FAM83D: variants seen among roughly 807,000 people sequenced by gnomAD.
FAM83D encodes the protein protein FAM83D.
A neutral mutation model predicts 25.4 loss-of-function variants in FAM83D; 26 were observed. That is an observed-to-expected ratio of 1.02 (90% CI 0.75 to 1.42). The LOEUF (loss-of-function observed/expected upper bound fraction) is 1.42. Among genes scored for constraint, FAM83D ranks in the 40% most tolerant of loss-of-function variants. FAM83D has a pLI of 0.00. For missense variants in FAM83D, 740 were observed against 758.1 expected, an observed-to-expected ratio of 0.98 and a Z score of 0.28; for synonymous variants, 310 against 318.5, an observed-to-expected ratio of 0.97 and a Z score of 0.28.
rs1414568078 is a variant in FAM83D at position 38,941,856 on chromosome 20, A to G, written c.484-103A>G. 12 of 1,116,274 alleles carry G rather than the reference A, an allele frequency of 1.1e-5. No individual in the cohort carries two copies. In the East Asian group the frequency reaches 2.8e-4, roughly 26 times the overall value. The allele number at this position is 1,116,274 out of a possible 1,614,324, so 69.1% of individuals were successfully genotyped here. A position where few individuals can be genotyped will look rare whatever the true frequency, so the allele number is the denominator to read the frequency against. On this transcript the variant is annotated intron_variant, in intron 1 of 3. Transcript: ENST00000619850. Reference sequence around the variant, plus strand: ...GGGGAGGGAAGGATAACTGTTGGATAGGGATCATTTCCCAGTTCTGAGTGG... The same window carrying G: ...GGGGAGGGAAGGATAACTGTTGGATGGGGATCATTTCCCAGTTCTGAGTGG...
Position 38,926,699 on chromosome 20 carries a change from C to T in FAM83D, c.257C>T (p.Ala86Val). Residue 86 changes from alanine to valine, a missense_variant, in exon 1 of 4, where the codon GCC (alanine) becomes GTC (valine). Physicochemically the swap from Ala to Val is moderately conservative, Grantham distance 64. Coordinates refer to ENST00000619850, the MANE Select transcript of FAM83D (RefSeq NM_030919.3). Reference sequence around the variant, plus strand: ...GAGGGCGCGGCGGCGGCGGCGGCGGCCGAGGACTCGTTCGGCTCCTCGCAC... The same window carrying T: ...GAGGGCGCGGCGGCGGCGGCGGCGGTCGAGGACTCGTTCGGCTCCTCGCAC... ...GEEGAAAAAA[A>V]EDSFGSSHDC... 1 of 1,519,992 alleles carries T rather than the reference C, an allele frequency of 6.6e-7. No homozygotes were observed. The highest frequency in any genetic ancestry group is 8.8e-7 in the Non-Finnish European group (1 of 1,140,620). The allele number at this position is 1,519,992 out of a possible 1,614,324, so 94.2% of individuals were successfully genotyped here.
rs1419055626 is a variant in FAM83D, at chr20:38,952,295, G to A, written c.1533G>A (p.Leu511=). 1 of 1,614,034 alleles carries A rather than the reference G, an allele frequency of 6.2e-7. No homozygotes were observed. Residue 511 remains leucine (L), a synonymous_variant, in exon 4 of 4, where the codon CTG becomes CTA. Transcript: ENST00000619850. ...ACAATCCTGGCTATCCCAAGTACCT[G>A]GGCACCCCCCACCTGGAACTGTACT... ...DFHNPGYPKY[L]GTPHLELYLS... is the part of the protein sequence containing the mutation.
At chr20:38,943,493 CCA>C (rs900784861) in intron 2 of FAM83D, among the ~76,000 whole-genome samples, 4 of 152,178 alleles carry the variant, frequency 2.6e-5, no homozygotes, top group African/African-American at 9.7e-5. Context: ...GCCTCCAACC[CCA>C]GTGTCTGTAA....
intron 1 of FAM83D, among the ~76,000 whole-genome samples, chr20:38,934,401 G>T (rs1045293443): frequency 4.6e-5 from 7 of 151,178 alleles, no homozygotes; most frequent in South Asian, 2.1e-4. Context: ...GCCGAGGCAG[G>T]AGAATAGCTT....
At position 38,948,015 on chromosome 20, in the gene FAM83D, C is replaced by A. The variant is rs535073947; in HGVS notation, c.776+15C>A. 6.2e-6 allele frequency: 10 copies of A among 1,612,398 alleles called. No homozygotes were observed. The Admixed American group carries it at 1.0e-4, about 16-fold the overall frequency. On this transcript the variant is annotated intron_variant, in intron 3 of 3. Transcript: ENST00000619850. ...GGCTCCTACAGGTAAGTCTCTAACC[C>A]GTCCAAGGCTTATTAATCTAAACTC...
intron 3 of FAM83D, among the ~76,000 whole-genome samples, chr20:38,949,188 G>T (rs1161759373): frequency 4.1e-5 from 6 of 146,512 alleles, no homozygotes; most frequent in African/African-American, 1.3e-4. Flanking sequence ...TCGTGATGGA[G>T]TCTTGCTCTG....
chr20:38,952,741 G>T lies in FAM83D; in HGVS notation c.*221G>T, dbSNP rs2085762436. ...ATGGTTTAAACACTATGGATACAGG[G>T]GTTTGTTTTGCACAATTTTAATAGT... is the stretch of plus-strand genomic sequence containing the variant. On this transcript the variant is annotated 3_prime_UTR_variant, in exon 4 of 4. Transcript: ENST00000619850. 8.6e-6 allele frequency: 5 copies of T among 579,078 alleles called. No homozygotes were observed. The Admixed American group carries it at 1.7e-4, about 20-fold the overall frequency. The allele number at this position is 579,078 out of a possible 1,614,324, so 35.9% of individuals were successfully genotyped here. A position where few individuals can be genotyped will look rare whatever the true frequency, so the allele number is the denominator to read the frequency against.
In FAM83D at chr20:38,942,072, C is replaced by T; in HGVS notation, c.597C>T (p.Leu199=). Residue 199 remains leucine, a synonymous_variant, in exon 2 of 4, where the codon CTC becomes CTT. Coordinates refer to ENST00000619850, the MANE Select transcript of FAM83D (RefSeq NM_030919.3). ...ATATCCTTCTGGACCAGGCTCTCCT[C>T]TCTCAATTTCTGGATATGTGCATGG... ...AVYILLDQAL[L]SQFLDMCMDL... 1 of 1,614,208 alleles carries T rather than the reference C, an allele frequency of 6.2e-7. No homozygotes were observed. The highest frequency in any genetic ancestry group is 8.5e-7 in the Non-Finnish European group (1 of 1,180,032).
chr20:38,926,780 T>C lies in FAM83D; in HGVS notation c.338T>C (p.Leu113Ser). The C allele has an allele frequency of 6.5e-7, 1 of 1,548,076 alleles. No individual in the cohort carries two copies. ...CAGTCGGACCTGGAGCCACCGCTGTTGGAGCTTGGCTGGCCCGCCTTCTAC... is the reference window on the plus strand; with the variant it reads ...CAGTCGGACCTGGAGCCACCGCTGTCGGAGCTTGGCTGGCCCGCCTTCTAC... ...PEQSDLEPPL[L>S]ELGWPAFYQG... is the part of the protein sequence containing the mutation. Residue 113 changes from leucine (L) to serine (S), a missense_variant, in exon 1 of 4, where the codon TTG becomes TCG. This residue lies in a region of FAM83D where 333 missense variants were observed against 298.6 expected (regional missense o/e 1.12). Transcript: ENST00000619850.
At chr20:38,934,365 T>C (rs186431128) in intron 1 of FAM83D, among the ~76,000 whole-genome samples, 140 of 152,220 alleles carry the variant, frequency 9.2e-4, no homozygotes, top group Non-Finnish European at 1.7e-3. Flanking sequence ...TGGTGGTACA[T>C]GCCTGTAATC....
intron 1 of FAM83D, among the ~76,000 whole-genome samples, chr20:38,934,321 C>T (rs761533275): frequency 2.0e-5 from 3 of 151,958 alleles, no homozygotes; most frequent in South Asian, 2.1e-4. Flanking sequence ...ATCTTGAACC[C>T]GGTCTCTACT....
chr20:38,928,415 A>G (rs938423784), intron 1 of FAM83D, among the ~76,000 whole-genome samples: 1 of 152,178 alleles, frequency 6.6e-6, no homozygotes, highest in Non-Finnish European at 1.5e-5. Flanking sequence ...GGCTCTTACC[A>G]GCCCTGAGGT....
chr20:38,951,453 C>T, intron 3 of FAM83D, 86 bp from the exon 4 acceptor site: 1 of 1,442,786 alleles, frequency 6.9e-7, no homozygotes, highest in South Asian at 1.4e-5. Flanking sequence ...GGTAAGATAC[C>T]TGTACTATAT....
At chr20:38,948,093 C>T (rs1601337737) in intron 3 of FAM83D, 93 bp downstream of exon 3, 2 of 1,439,612 alleles carry the variant, frequency 1.4e-6, no homozygotes, top group African/African-American at 2.8e-5. Flanking sequence ...TCAATGGGAG[C>T]CTGTATGGCC....
In FAM83D at chr20:38,952,000, T is replaced by C; in HGVS notation, c.1238T>C (p.Ile413Thr). 6.2e-7 allele frequency: 1 copy of C among 1,614,122 alleles called. No homozygotes were observed. The highest frequency in any genetic ancestry group is 2.2e-5 in the East Asian group (1 of 44,882). Residue 413 changes from isoleucine (I) to threonine (T), a missense_variant, in exon 4 of 4, where the codon ATC (isoleucine) becomes ACC (threonine). By Grantham distance (89) the Ile-to-Thr change is moderately conservative. Transcript: ENST00000619850. ...AGTGAGGTGGGAACACAAACCAGCA[T>C]CACCACAGCATGTGCTGGTACCCAG... The part of the protein sequence containing the change: ...SVSEVGTQTS[I>T]TTACAGTQTA...
chr20:38,940,356 A>G (rs1376028605), intron 1 of FAM83D, among the ~76,000 whole-genome samples: 1 of 152,134 alleles, frequency 6.6e-6, no homozygotes, highest in East Asian at 1.9e-4. Flanking sequence ...AAAGACAGCC[A>G]AATTGCCTTT....
intron 1 of FAM83D, among the ~76,000 whole-genome samples, chr20:38,940,800 A>G (rs1249430149): frequency 6.6e-6 from 1 of 152,232 alleles, no homozygotes; most frequent in African/African-American, 2.4e-5. Flanking sequence ...GCCTGTCTTT[A>G]AAAGAGCGAG....
Position 38,942,031 on chromosome 20 carries a change from CAG to C in FAM83D, c.557_558del (p.Gln186ArgfsTer28). Reference sequence around the variant, plus strand: ...AGACCTGCAAGAAATATGCAGGAAACAGGGAGTTGCTGTGTATATCCTTCTGG... The same window carrying C: ...AGACCTGCAAGAAATATGCAGGAAACGGAGTTGCTGTGTATATCCTTCTGG... ...FRDLQEICRK[Q>X]GVAVYILLDQ... On this transcript the variant is annotated frameshift_variant, in exon 2 of 4. Transcript: ENST00000619850. LOFTEE classifies it high-confidence loss of function. The C allele has an allele frequency of 6.2e-7, 1 of 1,614,212 alleles. No individual in the cohort carries two copies. Among genetic ancestry groups the C allele is most frequent in the Non-Finnish European group, 8.5e-7 (1 of 1,180,026 alleles).
intron 2 of FAM83D, among the ~76,000 whole-genome samples, chr20:38,945,641 A>G (rs1454623661): frequency 3.3e-5 from 5 of 151,978 alleles, no homozygotes; most frequent in African/African-American, 1.2e-4. Context: ...GTCCAGGATC[A>G]CACCTTACAT....
Sources: allele counts gnomAD v4.1 joint callset (sites outside exome capture counted in the v4.1 genomes callset), GRCh38; gene constraint gnomAD v4.1.1; regional missense constraint gnomAD v4.1.1; transcripts MANE v1.5; gene names NCBI Gene and HGNC (gene_info 2026-07-23, HGNC 2026-07-21).